The following ZBTB7C variants were observed in gnomAD, a reference collection of about 807,000 sequenced individuals.
The protein encoded by ZBTB7C is zinc finger and BTB domain-containing protein 7C.
A neutral mutation model predicts 25.7 loss-of-function variants in ZBTB7C; 8 were observed. The ratio of observed to expected loss-of-function variants is 0.31; its 90% CI spans 0.18 to 0.56. ZBTB7C has a LOEUF of 0.56. Among genes scored for constraint, ZBTB7C ranks in the 20% least tolerant of loss-of-function variants. The probability of loss-of-function intolerance (pLI) is 0.91; values close to 1 mark genes in which losing one functional copy is unlikely to be tolerated. For missense variants in ZBTB7C, 824 were observed against 855.2 expected (o/e 0.96, Z 0.46); for synonymous variants, 394 against 369.0 (o/e 1.07, Z -0.78).
At chr18:48,319,035 C>G (rs550194891) in intron 2 of ZBTB7C, among the ~76,000 whole-genome samples, 41 of 152,036 alleles carry the variant, frequency 2.7e-4, no homozygotes, top group Non-Finnish European at 5.1e-4. Flanking sequence ...TAGCAAGCAT[C>G]AGAGAGTAAG....
intron 3 of ZBTB7C, among the ~76,000 whole-genome samples, chr18:48,057,062 A>C (rs1431787007): frequency 3.3e-5 from 5 of 150,670 alleles, no homozygotes; most frequent in South Asian, 4.1e-4. Flanking sequence ...AAAAAAAAAA[A>C]AAAAAAAACC....
chr18:48,161,705 G>T (rs1211272378), intron 3 of ZBTB7C, among the ~76,000 whole-genome samples: 1 of 150,716 alleles, frequency 6.6e-6, no homozygotes, highest in Non-Finnish European at 1.5e-5. Flanking sequence ...GGCCCGGCCC[G>T]GCCCGGGCGC....
chr18:48,041,287 G>A (rs2036232095), intron 3 of ZBTB7C, 164 bp from the exon 4 acceptor site: 14 of 985,006 alleles, frequency 1.4e-5, no homozygotes, highest in Non-Finnish European at 1.7e-5. Context: ...GCAATTCACA[G>A]CCTGGCTTAC....
intron 1 of ZBTB7C, among the ~76,000 whole-genome samples, chr18:48,399,699 C>T (rs533269780): frequency 2.6e-5 from 4 of 152,306 alleles, no homozygotes; most frequent in African/African-American, 9.6e-5. Flanking sequence ...AAGCCAGTTA[C>T]TTAGTGACAA....
intron 2 of ZBTB7C, among the ~76,000 whole-genome samples, chr18:48,315,330 A>G (rs779884223): frequency 1.3e-5 from 2 of 152,194 alleles, no homozygotes; most frequent in Non-Finnish European, 2.9e-5. Flanking sequence ...ACACAGGGAA[A>G]TGGCGGAAGG....
rs564309461 is a variant in ZBTB7C at position 48,282,838 on chromosome 18, G to T, written c.-79+55336C>A. 9.9e-5 allele frequency among the ~76,000 whole-genome samples: 15 copies of T among 152,274 alleles called. No individual in the cohort carries two copies. In the South Asian group the frequency reaches 2.3e-3, roughly 23 times the overall value. ...TATGATGTTAAAAGTCAGGACAATG[G>T]TTACCCTTAGGAATGTGACAATGAC... On this transcript the variant is annotated intron_variant, in intron 2 of 4. Coordinates refer to ENST00000590800, the MANE Select transcript of ZBTB7C (RefSeq NM_001318841.2).
At chr18:48,078,325 T>A (rs1246946908) in intron 3 of ZBTB7C, among the ~76,000 whole-genome samples, 1 of 151,944 alleles carries the variant, frequency 6.6e-6, no homozygotes, top group Non-Finnish European at 1.5e-5. Context: ...CAAGGCCCCT[T>A]TGGTGGCAGC....
chr18:48,398,265 G>A (rs1457137486), intron 1 of ZBTB7C, among the ~76,000 whole-genome samples: 1 of 152,212 alleles, frequency 6.6e-6, no homozygotes, highest in African/African-American at 2.4e-5. Context: ...CTGTCCACAG[G>A]GCTGCTCGGC....
At chr18:48,103,092 T>G (rs1293541336) in intron 3 of ZBTB7C, among the ~76,000 whole-genome samples, 1 of 99,204 alleles carries the variant, frequency 1.0e-5, no homozygotes, top group African/African-American at 6.4e-5. Flanking sequence ...ATATATCTTA[T>G]ATATATTATA....
chr18:48,043,991 AGAG>A (rs764537566), intron 3 of ZBTB7C, among the ~76,000 whole-genome samples: 39 of 152,152 alleles, frequency 2.6e-4, no homozygotes, highest in Non-Finnish European at 4.6e-4. Context: ...GAGACCTAGA[AGAG>A]GAGAAGGATC....
chr18:48,093,613 A>C (rs931724155), intron 3 of ZBTB7C, among the ~76,000 whole-genome samples: 1 of 144,092 alleles, frequency 6.9e-6, no homozygotes, highest in Non-Finnish European at 1.5e-5. Context: ...GTGATTAAAA[A>C]AAAACAAAAA....
intron 1 of ZBTB7C, among the ~76,000 whole-genome samples, chr18:48,395,375 ATG>A (rs149447084): frequency 0.011 from 901 of 82,706 alleles, 23 homozygotes; most frequent in East Asian, 0.035. Flanking sequence ...TTCTATTCAA[ATG>A]TGTGTGTGTG....
chr18:48,068,974 C>T lies in ZBTB7C; in HGVS notation c.-16-27851G>A, dbSNP rs182814585. ...ATGTGAGAAGAGAACAAGCTCTTTCCGGAGCTCAGGGAGTGAGATGAACTC... is the reference window on the plus strand; with the variant it reads ...ATGTGAGAAGAGAACAAGCTCTTTCTGGAGCTCAGGGAGTGAGATGAACTC... On this transcript the variant is annotated intron_variant, in intron 3 of 4. Coordinates refer to ENST00000590800, the MANE Select transcript of ZBTB7C (RefSeq NM_001318841.2). Among the ~76,000 whole-genome samples, 20 of 152,298 alleles carry T rather than the reference C, an allele frequency of 1.3e-4. No homozygotes were observed. The East Asian group carries it at 2.5e-3, about 19-fold the overall frequency.
chr18:48,176,191 G>A (rs1319246395), intron 3 of ZBTB7C, among the ~76,000 whole-genome samples: 1 of 152,210 alleles, frequency 6.6e-6, no homozygotes, highest in Non-Finnish European at 1.5e-5. Context: ...GAGGGCTTAT[G>A]CAGGGTTCTG....
chr18:48,076,901 T>C, intron 3 of ZBTB7C: 2 of 978,592 alleles, frequency 2.0e-6, no homozygotes, highest in Non-Finnish European at 2.4e-6. Context: ...ACAAATCGAA[T>C]TCAATCAAGG....
chr18:48,054,181 C>T (rs574559536), intron 3 of ZBTB7C, among the ~76,000 whole-genome samples: 1 of 152,160 alleles, frequency 6.6e-6, no homozygotes, highest in Admixed American at 6.5e-5. Flanking sequence ...AATCCTTCCG[C>T]GAAGGAAATC....
At chr18:48,081,398 G>A (rs79004285) in intron 3 of ZBTB7C, among the ~76,000 whole-genome samples, 8,496 of 152,006 alleles carry the variant, frequency 0.056, 339 homozygotes, top group South Asian at 0.098. Flanking sequence ...GTTCCTGGCT[G>A]TTTTAAAGGC....
intron 3 of ZBTB7C, among the ~76,000 whole-genome samples, chr18:48,157,292 G>T (rs1022942854): frequency 2.0e-5 from 3 of 152,188 alleles, no homozygotes; most frequent in African/African-American, 7.2e-5. Context: ...GTTTGGCTTG[G>T]GGTTGAACAT....
chr18:48,219,328 G>A (rs537768341), intron 2 of ZBTB7C, among the ~76,000 whole-genome samples: 2 of 152,318 alleles, frequency 1.3e-5, no homozygotes, highest in South Asian at 2.1e-4. Context: ...GCCTCAGCTA[G>A]TTGGGTAAAA....
Sources: allele counts gnomAD v4.1 joint callset (sites outside exome capture counted in the v4.1 genomes callset), GRCh38; gene constraint gnomAD v4.1.1; transcripts MANE v1.5; gene names NCBI Gene and HGNC (gene_info 2026-07-23, HGNC 2026-07-21).